Variants in SMYD3 observed in about 807,000 individuals in gnomAD.
SMYD3 encodes SET and MYND domain containing 3, also known as histone-lysine N-methyltransferase SMYD3.
Under a neutral mutation model 57.7 loss-of-function variants are expected in SMYD3, and 36 were observed. That is an observed-to-expected ratio of 0.62 (90% confidence interval 0.48 to 0.82). The LOEUF is 0.82. SMYD3 is among the 40% of genes least tolerant of loss of function. SMYD3 has a pLI of 0.00. For synonymous variants in SMYD3, 211 were observed against 195.0 expected, an observed-to-expected ratio of 1.08 and a Z score of -0.68; for missense variants, 515 against 538.8, an observed-to-expected ratio of 0.96 and a Z score of 0.44.
intron 1 of SMYD3, among the ~76,000 whole-genome samples, chr1:246,505,128 T>C (rs180741542): frequency 9.5e-4 from 145 of 152,336 alleles, no homozygotes; most frequent in Non-Finnish European, 1.9e-3. Context: ...TCAGTCATTA[T>C]GAAGAATCTG....
chr1:245,915,509 A>G lies in SMYD3; in HGVS notation c.813+21T>C, dbSNP rs115557356. On this transcript the variant is annotated intron_variant, in intron 8 of 11. Coordinates refer to ENST00000490107, the MANE Select transcript of SMYD3 (RefSeq NM_001167740.2). The stretch of plus-strand genomic sequence containing the variant: ...GAGATTTTGCCGTGGAGGTGTTTCA[A>G]TCTGGTTCCATACTACATACCTTGT... 1,143 of 1,538,878 alleles carry G rather than the reference A, an allele frequency of 7.4e-4. 2 individuals are homozygous for G. The African/African-American group carries it at 0.014, about 19-fold the overall frequency.
At chr1:245,987,824 A>C (rs2058732829) in intron 5 of SMYD3, among the ~76,000 whole-genome samples, 1 of 152,220 alleles carries the variant, frequency 6.6e-6, no homozygotes. Context: ...GTAACATGGA[A>C]GACAGAACAG....
At chr1:246,245,476 G>C (rs1218961105) in intron 5 of SMYD3, among the ~76,000 whole-genome samples, 2 of 151,936 alleles carry the variant, frequency 1.3e-5, no homozygotes, top group African/African-American at 2.4e-5. Context: ...GAAATACTGG[G>C]AATAAAAGTA....
chr1:245,971,494 T>C (rs973678060), intron 5 of SMYD3, among the ~76,000 whole-genome samples: 11 of 152,116 alleles, frequency 7.2e-5, no homozygotes, highest in African/African-American at 2.7e-4. Context: ...GCACCCAAAC[T>C]GGCTATTGCA....
At chr1:245,812,280 T>C (rs1458240800) in intron 10 of SMYD3, among the ~76,000 whole-genome samples, 1 of 152,208 alleles carries the variant, frequency 6.6e-6, no homozygotes, top group Non-Finnish European at 1.5e-5. Flanking sequence ...CTGCTTCACC[T>C]TTGCATAGAG....
intron 5 of SMYD3, among the ~76,000 whole-genome samples, chr1:245,987,453 G>GA (rs928875737): frequency 2.4e-4 from 37 of 151,648 alleles, no homozygotes; most frequent in African/African-American, 7.8e-4. Context: ...AAAAGATCTA[G>GA]AAAAAAAACA....
intron 5 of SMYD3, among the ~76,000 whole-genome samples, chr1:246,266,143 A>T (rs996515164): frequency 1.3e-5 from 2 of 152,210 alleles, no homozygotes; most frequent in East Asian, 3.9e-4. Flanking sequence ...CTTCCATTTG[A>T]GTCCATCCTT....
chr1:246,426,755 A>G (rs759723390), intron 1 of SMYD3, among the ~76,000 whole-genome samples: 13 of 152,186 alleles, frequency 8.5e-5, no homozygotes, highest in Non-Finnish European at 1.8e-4. Flanking sequence ...CTAATAAAGT[A>G]AAGTGCTGAT....
chr1:246,418,877 G>A (rs537769159), intron 1 of SMYD3, among the ~76,000 whole-genome samples: 2 of 152,162 alleles, frequency 1.3e-5, no homozygotes, highest in African/African-American at 2.4e-5. Context: ...TGACCTGCAC[G>A]TATACATCCA....
intron 10 of SMYD3, among the ~76,000 whole-genome samples, chr1:245,805,120 G>C (rs1221973284): frequency 6.6e-6 from 1 of 151,208 alleles, no homozygotes; most frequent in Non-Finnish European, 1.5e-5. Flanking sequence ...TAAGAGCCTG[G>C]GTAAAAGAAA....
At chr1:245,793,061 A>T (rs2047348799) in intron 10 of SMYD3, among the ~76,000 whole-genome samples, 1 of 117,234 alleles carries the variant, frequency 8.5e-6, no homozygotes, top group African/African-American at 3.6e-5. Flanking sequence ...CTGTAATCCC[A>T]GCACTTTGGG....
At chr1:246,153,430 A>C (rs1572117753) in intron 5 of SMYD3, among the ~76,000 whole-genome samples, 1 of 59,580 alleles carries the variant, frequency 1.7e-5, no homozygotes, top group South Asian at 6.3e-4. Flanking sequence ...GGAGGGAGGG[A>C]GAGGGGGAGG....
chr1:245,938,428 A>G (rs6660655), intron 5 of SMYD3, among the ~76,000 whole-genome samples: 2,583 of 152,364 alleles, frequency 0.017, 72 homozygotes, highest in African/African-American at 0.058. Flanking sequence ...GAACAAACAC[A>G]GATCAGACGA....
chr1:246,480,464 T>A (rs1372728298), intron 1 of SMYD3, among the ~76,000 whole-genome samples: 2 of 152,232 alleles, frequency 1.3e-5, no homozygotes, highest in African/African-American at 4.8e-5. Flanking sequence ...CCAATTTCCA[T>A]AATTATCAAC....
chr1:246,495,049 A>G (rs1018806685), intron 1 of SMYD3, among the ~76,000 whole-genome samples: 12 of 152,156 alleles, frequency 7.9e-5, no homozygotes, highest in African/African-American at 2.7e-4. Flanking sequence ...TCTGGGGAGT[A>G]TTAAAAATGT....
intron 5 of SMYD3, among the ~76,000 whole-genome samples, chr1:246,313,411 C>T (rs2065109972): frequency 6.6e-6 from 1 of 152,180 alleles, no homozygotes; most frequent in Admixed American, 6.5e-5. Flanking sequence ...GTCACACACG[C>T]CTCTGCAGAT....
At chr1:245,828,998 C>T (rs548392970) in intron 10 of SMYD3, among the ~76,000 whole-genome samples, 7 of 152,054 alleles carry the variant, frequency 4.6e-5, no homozygotes, top group East Asian at 1.9e-4. Context: ...CCACCACGCC[C>T]GGCCAGTTTT....
intron 5 of SMYD3, among the ~76,000 whole-genome samples, chr1:246,284,149 G>A (rs1286415701): frequency 6.6e-6 from 1 of 152,156 alleles, no homozygotes; most frequent in Non-Finnish European, 1.5e-5. Context: ...CGGCATAGCA[G>A]GCTGTCAGAT....
intron 5 of SMYD3, among the ~76,000 whole-genome samples, chr1:246,261,363 GTT>G (rs201917375): frequency 7.0e-6 from 1 of 142,176 alleles, no homozygotes. Flanking sequence ...AGCTCTCTTT[GTT>G]TTTTTTTTTT....
Sources: gnomAD v4.1 joint callset for allele counts (sites outside exome capture counted in the v4.1 genomes callset) on GRCh38, gnomAD v4.1.1 for gene constraint, MANE v1.5 for transcripts, NCBI Gene and HGNC (gene_info 2026-07-23, HGNC 2026-07-21) for gene names.